SPAG16: variants seen among roughly 807,000 people sequenced by gnomAD.
SPAG16 encodes the protein sperm associated antigen 16, also known as sperm-associated antigen 16 protein.
SPAG16 carries 86 observed loss-of-function variants against 80.4 expected under a neutral mutation model. The observed-to-expected ratio is 1.07, with a 90% confidence interval of 0.90 to 1.28. The LOEUF (loss-of-function observed/expected upper bound fraction) is 1.28, where lower values mean the gene tolerates loss of function less well. Among genes scored for constraint, SPAG16 ranks in the 50% most tolerant of loss-of-function variants. The probability of loss-of-function intolerance (pLI) is 0.00; values close to 1 mark genes in which losing one functional copy is unlikely to be tolerated. For missense variants in SPAG16, 870 were observed against 765.3 expected (o/e 1.14, Z -1.61); for synonymous variants, 294 against 265.9 (o/e 1.11, Z -1.03).
chr2:214,088,402 C>T (rs2051929805), intron 13 of SPAG16, among the ~76,000 whole-genome samples: 1 of 152,024 alleles, frequency 6.6e-6, no homozygotes, highest in African/African-American at 2.4e-5. Context: ...CAAAGTTGGG[C>T]ACCTGCTCCC....
intron 12 of SPAG16, among the ~76,000 whole-genome samples, chr2:213,964,279 T>C (rs1575667187): frequency 1.3e-5 from 2 of 152,192 alleles, no homozygotes; most frequent in East Asian, 3.8e-4. Flanking sequence ...ACAATAAATA[T>C]GCAATTATAC....
intron 10 of SPAG16, among the ~76,000 whole-genome samples, chr2:213,811,983 G>C (rs941770250): frequency 2.6e-4 from 40 of 152,220 alleles, no homozygotes; most frequent in African/African-American, 8.9e-4. Context: ...AGTTTCAGGG[G>C]TAGGAAATCT....
intron 10 of SPAG16, among the ~76,000 whole-genome samples, chr2:213,816,712 G>T (rs577157991): frequency 6.6e-6 from 1 of 152,006 alleles, no homozygotes; most frequent in Non-Finnish European, 1.5e-5. Flanking sequence ...AAGGCATATT[G>T]TTTTCTAGGC....
intron 15 of SPAG16, among the ~76,000 whole-genome samples, chr2:214,363,724 A>G (rs947880672): frequency 1.3e-5 from 2 of 152,094 alleles, no homozygotes; most frequent in African/African-American, 4.8e-5. Context: ...AAAGAAGTTC[A>G]TGTAAGCTAT....
At chr2:213,398,884 C>G (rs887623343) in intron 9 of SPAG16, among the ~76,000 whole-genome samples, 8 of 152,060 alleles carry the variant, frequency 5.3e-5, no homozygotes, top group Non-Finnish European at 1.2e-4. Flanking sequence ...TAGTAATTAT[C>G]CCATAAATAT....
At chr2:213,623,527 T>C (rs1053025766) in intron 10 of SPAG16, among the ~76,000 whole-genome samples, 1 of 152,150 alleles carries the variant, frequency 6.6e-6, no homozygotes, top group Non-Finnish European at 1.5e-5. Context: ...TGTTCCATTG[T>C]CAGAATCTAA....
intron 5 of SPAG16, among the ~76,000 whole-genome samples, chr2:213,328,578 C>G (rs544872882): frequency 2.0e-5 from 3 of 152,272 alleles, no homozygotes; most frequent in East Asian, 3.9e-4. Context: ...TCTGCCATCT[C>G]AGGGAGATGG....
chr2:213,445,878 G>A (rs532843278), intron 9 of SPAG16, among the ~76,000 whole-genome samples: 1 of 152,292 alleles, frequency 6.6e-6, no homozygotes, highest in Admixed American at 6.5e-5. Context: ...GCTACTATGT[G>A]AAACAGTATA....
At chr2:214,246,446 T>C (rs1048404647) in intron 15 of SPAG16, among the ~76,000 whole-genome samples, 5 of 152,116 alleles carry the variant, frequency 3.3e-5, no homozygotes, top group African/African-American at 9.7e-5. Context: ...AGAATTAACA[T>C]TGAGTGACTT....
intron 13 of SPAG16, among the ~76,000 whole-genome samples, chr2:214,036,831 G>T (rs1321250904): frequency 6.6e-6 from 1 of 152,070 alleles, no homozygotes; most frequent in African/African-American, 2.4e-5. Flanking sequence ...ACTATGGTTA[G>T]ATCTTCTCCC....
At chr2:214,162,437 G>A (rs531774882) in intron 15 of SPAG16, among the ~76,000 whole-genome samples, 86 of 152,190 alleles carry the variant, frequency 5.7e-4, no homozygotes, top group African/African-American at 1.8e-3. Flanking sequence ...AAGTTTCATG[G>A]TAATAGGTGG....
rs1248782650 is a variant in SPAG16 at position 214,244,944 on chromosome 2, G to T, written c.1720+95678G>T. Among the ~76,000 whole-genome samples, 2 of 152,092 alleles carry T rather than the reference G, an allele frequency of 1.3e-5. 1 individual carries two copies. ...TTATCTCTAAGCTTTCTATTAAAAA[G>T]TATGTCTAACTCAATGCTTTCTTAA... is the stretch of plus-strand genomic sequence containing the variant. On this transcript the variant is annotated intron_variant, in intron 15 of 15. Coordinates refer to ENST00000331683, the MANE Select transcript of SPAG16 (RefSeq NM_024532.5).
At chr2:213,401,391 A>T (rs921515071) in intron 9 of SPAG16, among the ~76,000 whole-genome samples, 6 of 152,296 alleles carry the variant, frequency 3.9e-5, no homozygotes, top group African/African-American at 1.4e-4. Context: ...TTGCTGTTTC[A>T]AATAATTCTA....
intron 12 of SPAG16, among the ~76,000 whole-genome samples, chr2:213,989,002 G>C (rs2046155139): frequency 2.0e-5 from 3 of 152,124 alleles, no homozygotes; most frequent in Admixed American, 2.0e-4. Context: ...GTGCAAGGCT[G>C]TGCAGCTAAC....
intron 10 of SPAG16, among the ~76,000 whole-genome samples, chr2:213,850,606 G>T (rs1022833344): frequency 1.3e-5 from 2 of 152,156 alleles, no homozygotes; most frequent in African/African-American, 4.8e-5. Context: ...GGTCTTTAAG[G>T]AAAAGAAGAG....
At chr2:213,755,678 T>G (rs2068291157) in intron 10 of SPAG16, among the ~76,000 whole-genome samples, 1 of 152,080 alleles carries the variant, frequency 6.6e-6, no homozygotes, top group South Asian at 2.1e-4. Context: ...AGATAGAAAG[T>G]TAAAAAGCAA....
At chr2:213,712,510 G>A (rs2066044472) in intron 10 of SPAG16, among the ~76,000 whole-genome samples, 1 of 152,120 alleles carries the variant, frequency 6.6e-6, no homozygotes, top group South Asian at 2.1e-4. Flanking sequence ...TGTAAAAGAT[G>A]ACAAGAGAAA....
chr2:213,789,779 T>G (rs1210514657), intron 10 of SPAG16, among the ~76,000 whole-genome samples: 2 of 151,944 alleles, frequency 1.3e-5, no homozygotes, highest in Non-Finnish European at 2.9e-5. Flanking sequence ...ATTGAATGTA[T>G]CTACTTATTC....
At chr2:213,869,712 GA>G (rs1475254977) in intron 11 of SPAG16, among the ~76,000 whole-genome samples, 2 of 143,288 alleles carry the variant, frequency 1.4e-5, no homozygotes, top group African/African-American at 5.1e-5. Flanking sequence ...GTGTTAAAAA[GA>G]AAATAAATAT....
Sources: gnomAD v4.1 joint callset for allele counts (sites outside exome capture counted in the v4.1 genomes callset) on GRCh38, gnomAD v4.1.1 for gene constraint, MANE v1.5 for transcripts, NCBI Gene and HGNC (gene_info 2026-07-23, HGNC 2026-07-21) for gene names.